The following MAP3K10 variants were observed in gnomAD, a reference collection of about 807,000 sequenced individuals.
The protein encoded by MAP3K10 is mitogen-activated protein kinase kinase kinase 10.
MAP3K10 carries 22 observed loss-of-function variants against 75.0 expected under a neutral mutation model. The observed-to-expected ratio is 0.29, with a 90% confidence interval of 0.21 to 0.42. MAP3K10 has a LOEUF of 0.42. MAP3K10 is among the 10% of genes least tolerant of loss of function. The pLI is 1.00. For missense variants in MAP3K10, 1,165 were observed against 1,379.8 expected (o/e 0.84, Z 2.47); for synonymous variants, 599 against 612.9 (o/e 0.98, Z 0.34).
rs375109204 is a variant in MAP3K10 at position 40,213,510 on chromosome 19, G to A, written c.1838-7G>A. ...TGCAGCGGAGTGATGGCCCTCTCCG[G>A]TTGCAGAGGAGTTCGCGGAGGCAGA... On this transcript the variant is annotated splice_polypyrimidine_tract_variant and splice_region_variant and intron_variant, in intron 8 of 9. Coordinates refer to ENST00000253055, the MANE Select transcript of MAP3K10 (RefSeq NM_002446.4). This position sits in a 1 kb window ranked among gnomAD's most constrained non-coding sequence, Gnocchi z 5.7. 3.1e-6 allele frequency: 5 copies of A among 1,611,288 alleles called. No individual in the cohort carries two copies. The highest frequency in any genetic ancestry group is 4.2e-6 in the Non-Finnish European group (5 of 1,179,458).
At chr19:40,211,746 C>T (rs746900628) in intron 6 of MAP3K10, among the ~76,000 whole-genome samples, 22 of 152,036 alleles carry the variant, frequency 1.4e-4, no homozygotes, top group Non-Finnish European at 2.8e-4. Context: ...CATGGTGAGA[C>T]AGACGCTCGC....
chr19:40,195,584 C>CCCG (rs1377169709), intron 1 of MAP3K10, among the ~76,000 whole-genome samples: 2 of 148,240 alleles, frequency 1.3e-5, no homozygotes, highest in African/African-American at 5.0e-5. Context: ...CCTTCCGCCT[C>CCCG]CCGGGTTCAA....
chr19:40,214,141 T>G lies in MAP3K10; in HGVS notation c.2462T>G (p.Val821Gly). The change falls in exon 9 of 10, where the codon GTG becomes GGG. Residue 821 changes from valine to glycine, a missense_variant. This residue lies in a region of MAP3K10 where 590 missense variants were observed against 586.6 expected (regional missense o/e 1.01). Coordinates refer to ENST00000253055, the MANE Select transcript of MAP3K10 (RefSeq NM_002446.4). ...ACCCACGTCACGGCTGCATGCGCTG[T>G]GAGCCGCGGGCACCGGCGGACGCCA... Reference protein sequence around the residue: ...TPTHVTAACAVSRGHRRTPSD... With the variant: ...TPTHVTAACAGSRGHRRTPSD... 1 of 1,546,794 alleles carries G rather than the reference T, an allele frequency of 6.5e-7. No homozygotes were observed. Among genetic ancestry groups the G allele is most frequent in the South Asian group, 1.2e-5 (1 of 84,310 alleles).
At position 40,204,514 on chromosome 19, in the gene MAP3K10, C is replaced by T. The variant is rs767896869; in HGVS notation, c.893C>T (p.Thr298Met). 20 of 1,613,660 alleles carry T rather than the reference C, an allele frequency of 1.2e-5. No homozygotes were observed. Among genetic ancestry groups the T allele is most frequent in the Admixed American group, 1.0e-4 (6 of 59,992 alleles). ...GGGGTGCTGCTGTGGGAGCTGCTGA[C>T]GGGGGAGGTCCCCTACCGTGAGATC... ...SFGVLLWELLTGEVPYREIDA... is the reference protein window; with the variant it reads ...SFGVLLWELLMGEVPYREIDA... The change falls in exon 3 of 10, where the codon ACG becomes ATG. Residue 298 changes from threonine to methionine, a missense_variant. Physicochemically the swap from Thr to Met is moderately conservative, Grantham distance 81. Around this residue, in one of 2 missense-constraint regions of MAP3K10, gnomAD observed 575 missense variants for 793.2 expected, o/e 0.72. Transcript: ENST00000253055. The surrounding 1 kb of genome is among the most constrained non-coding windows in gnomAD (Gnocchi z 4.3).
Position 40,203,339 on chromosome 19 carries a change from A to T in MAP3K10, c.864-1146A>T, listed in dbSNP as rs540577369. On this transcript the variant is annotated intron_variant, in intron 2 of 9. Transcript: ENST00000253055. ...GGGTGACAGAGACTTTGTCTCAAAA[A>T]AAAAAAAGGATATGTTGAATGAATG... 7.9e-5 allele frequency among the ~76,000 whole-genome samples: 12 copies of T among 152,302 alleles called. No individual in the cohort carries two copies. The South Asian group carries it at 2.5e-3, about 32-fold the overall frequency.
At chr19:40,214,371 C>A in intron 9 of MAP3K10, 150 bp downstream of exon 9, 1 of 1,005,652 alleles carries the variant, frequency 9.9e-7, no homozygotes, top group Non-Finnish European at 1.3e-6. Flanking sequence ...ACCGCTCACT[C>A]CTGGAGGCAT....
chr19:40,210,160 G>A (rs768060231), intron 6 of MAP3K10, among the ~76,000 whole-genome samples: 5 of 152,160 alleles, frequency 3.3e-5, no homozygotes, highest in Non-Finnish European at 5.9e-5. Context: ...CCAGCTACTC[G>A]GGAGGCTGAG....
At position 40,215,227 on chromosome 19, in the gene MAP3K10, A is replaced by G. The variant is rs1430607632; in HGVS notation, c.2800A>G (p.Met934Val). ...PPSVQPTLLD[M>V]DMEGQNQDST... ...CAGCGTGCAGCCCACACTGCTGGAC[A>G]TGGACATGGAGGGGCAGAACCAAGA... The change falls in exon 10 of 10, where the codon ATG becomes GTG. Residue 934 changes from methionine to valine, a missense_variant. Physicochemically the swap from Met to Val is conservative, Grantham distance 21. Transcript: ENST00000253055. The G allele has an allele frequency of 1.3e-6, 2 of 1,565,046 alleles. No homozygotes were observed. Among genetic ancestry groups the G allele is most frequent in the Admixed American group, 1.9e-5 (1 of 52,840 alleles).
At chr19:40,207,025 G>A (rs930756183) in intron 5 of MAP3K10, among the ~76,000 whole-genome samples, 4 of 152,146 alleles carry the variant, frequency 2.6e-5, no homozygotes, top group Non-Finnish European at 5.9e-5. Flanking sequence ...CTTGAACCCG[G>A]AAAGCAGAGG....
rs1168677076 is a variant in MAP3K10, at chr19:40,205,406, G to A, written c.1188+110G>A. ...ACCCCAGCCTTTGGGTCCATGCAGGGTCAAGGGAGCCTTTTTTGCATATTA... is the reference window on the plus strand; with the variant it reads ...ACCCCAGCCTTTGGGTCCATGCAGGATCAAGGGAGCCTTTTTTGCATATTA... On this transcript the variant is annotated intron_variant, in intron 4 of 9. Coordinates refer to ENST00000253055, the MANE Select transcript of MAP3K10 (RefSeq NM_002446.4). This position sits in a 1 kb window ranked among gnomAD's most constrained non-coding sequence, Gnocchi z 4.3. 4 of 1,172,884 alleles carry A rather than the reference G, an allele frequency of 3.4e-6. No individual in the cohort carries two copies. The highest frequency in any genetic ancestry group is 4.8e-6 in the Non-Finnish European group (4 of 836,992). 72.7% of individuals were successfully genotyped at this position (1,172,884 alleles called of 1,614,324 possible). A position where few individuals can be genotyped will look rare whatever the true frequency, so the allele number is the denominator to read the frequency against.
Position 40,204,340 on chromosome 19 carries a change from A to G in MAP3K10, c.864-145A>G, listed in dbSNP as rs1973076107. On this transcript the variant is annotated intron_variant, in intron 2 of 9. Coordinates refer to ENST00000253055, the MANE Select transcript of MAP3K10 (RefSeq NM_002446.4). This position sits in a 1 kb window ranked among gnomAD's most constrained non-coding sequence, Gnocchi z 4.3. The stretch of plus-strand genomic sequence containing the variant: ...CATCTATTGGAGAACAAGGCCATGG[A>G]GGTCAAAGCAAGTTCTTGTGACCTC... 6.4e-6 allele frequency: 5 copies of G among 777,854 alleles called. No homozygotes were observed. Among genetic ancestry groups the G allele is most frequent in the South Asian group, 2.1e-5 (1 of 46,918 alleles). 48.2% of individuals were successfully genotyped at this position (777,854 alleles called of 1,614,324 possible).
In MAP3K10 at chr19:40,205,201, C is replaced by A; in HGVS notation, c.1093C>A (p.Leu365Met). The change falls in exon 4 of 10, where the codon CTG becomes ATG. Residue 365 changes from leucine to methionine, a missense_variant. This residue lies in a region of MAP3K10 where 575 missense variants were observed against 793.2 expected (regional missense o/e 0.72). Coordinates refer to ENST00000253055, the MANE Select transcript of MAP3K10 (RefSeq NM_002446.4). The surrounding 1 kb of genome is among the most constrained non-coding windows in gnomAD (Gnocchi z 4.3). ...KRLEVIEQSA[L>M]FQMPLESFHS... ...GCTTGAAGTCATCGAACAGTCAGCC[C>A]TGTTCCAGATGCCACTGGAGTCCTT... The A allele has an allele frequency of 6.2e-7, 1 of 1,614,158 alleles. No homozygotes were observed. The highest frequency in any genetic ancestry group is 8.5e-7 in the Non-Finnish European group (1 of 1,180,038).
chr19:40,202,051 T>C (rs1322901570), intron 2 of MAP3K10, among the ~76,000 whole-genome samples: 2 of 152,020 alleles, frequency 1.3e-5, no homozygotes, highest in Non-Finnish European at 1.5e-5. Flanking sequence ...CCCTTCTTTT[T>C]ATTTTTTGAG....
chr19:40,213,490 C>G lies in MAP3K10; in HGVS notation c.1838-27C>G, dbSNP rs764088069. ...CGTGGGGCCCTGGCCAGCCCTGCAG[C>G]GGAGTGATGGCCCTCTCCGGTTGCA... On this transcript the variant is annotated intron_variant, in intron 8 of 9. Coordinates refer to ENST00000253055, the MANE Select transcript of MAP3K10 (RefSeq NM_002446.4). The surrounding 1 kb of genome is among the most constrained non-coding windows in gnomAD (Gnocchi z 5.7). 3 of 1,607,862 alleles carry G rather than the reference C, an allele frequency of 1.9e-6. No homozygotes were observed. In the South Asian group the frequency reaches 3.3e-5, roughly 18 times the overall value.
rs888397788 is a variant in MAP3K10 at position 40,206,416 on chromosome 19, ATT to A, written c.1435+266_1435+267del. 2.8e-5 allele frequency: 9 copies of A among 323,938 alleles called. No individual in the cohort carries two copies. The Admixed American group carries it at 4.4e-4, about 16-fold the overall frequency. The allele number at this position is 323,938 out of a possible 1,614,324, so 20.1% of individuals were successfully genotyped here. A position where few individuals can be genotyped will look rare whatever the true frequency, so the allele number is the denominator to read the frequency against. ...CCCATATTTACCAAAAAAAAAAAAA[ATT>A]TTTTTTAATTAGCTGGCCACGTTGG... On this transcript the variant is annotated intron_variant, in intron 5 of 9. Coordinates refer to ENST00000253055, the MANE Select transcript of MAP3K10 (RefSeq NM_002446.4).
In MAP3K10 at chr19:40,213,998, G is replaced by GCCCAGCCCCCCCCCCCCCCCCCCC; in HGVS notation, c.2322_2323insAGCCCCCCCCCCCCCCCCCCCCCC (p.Pro778_Ser779insProProProProSerProProPro). ...ACAGTGACGAGGCCGCACCGGCCGC[G>GCCCAGCCCCCCCCCCCCCCCCCCC]CCCTCCCCACCACCCTCCCCGCCCG... is the stretch of plus-strand genomic sequence containing the variant. On this transcript the variant is annotated inframe_insertion, in exon 9 of 10. Transcript: ENST00000253055. This position sits in a 1 kb window ranked among gnomAD's most constrained non-coding sequence, Gnocchi z 5.7. 1.3e-6 allele frequency: 2 copies of GCCCAGCCCCCCCCCCCCCCCCCCC among 1,521,832 alleles called. No homozygotes were observed. Among genetic ancestry groups the GCCCAGCCCCCCCCCCCCCCCCCCC allele is most frequent in the Non-Finnish European group, 1.8e-6 (2 of 1,140,560 alleles). The allele number at this position is 1,521,832 out of a possible 1,614,324, so 94.3% of individuals were successfully genotyped here.
At chr19:40,196,921 CTCAT>C (rs1972917785) in intron 1 of MAP3K10, among the ~76,000 whole-genome samples, 2 of 152,174 alleles carry the variant, frequency 1.3e-5, no homozygotes, top group Non-Finnish European at 2.9e-5. Flanking sequence ...AGCCATGATC[CTCAT>C]GGCTGTTAGT....
rs1973328684 is a variant in MAP3K10 at position 40,215,132 on chromosome 19, TCTC to T, written c.2708_2710del (p.Ser903del). On this transcript the variant is annotated inframe_deletion, in exon 10 of 10. Coordinates refer to ENST00000253055, the MANE Select transcript of MAP3K10 (RefSeq NM_002446.4). Reference sequence around the variant, plus strand: ...CCCCGCTTGGACCCCTGGAAACTGGTCTCCTTCGGCCGGACACTCACCATCTCG... The same window carrying T: ...CCCCGCTTGGACCCCTGGAAACTGGTCTTCGGCCGGACACTCACCATCTCG... 5.0e-6 allele frequency: 8 copies of T among 1,610,008 alleles called. No homozygotes were observed. Among genetic ancestry groups the T allele is most frequent in the Non-Finnish European group, 6.8e-6 (8 of 1,178,810 alleles).
Position 40,205,926 on chromosome 19 carries a change from G to A in MAP3K10, c.1204G>A (p.Glu402Lys). 1 of 1,576,632 alleles carries A rather than the reference G, an allele frequency of 6.3e-7. No individual in the cohort carries two copies. The highest frequency in any genetic ancestry group is 8.6e-7 in the Non-Finnish European group (1 of 1,159,506). ...RTKEKELRSREEELLRAAQEQ... is the reference protein window; with the variant it reads ...RTKEKELRSRKEELLRAAQEQ... ...TCCTTCCCAGGAGCTTCGGAGCCGT[G>A]AGGAGGAGCTGCTGCGGGCGGCACA... Residue 402 changes from glutamate to lysine, a missense_variant, in exon 5 of 10, where the codon GAG (glutamate) becomes AAG (lysine). By Grantham distance (56) the Glu-to-Lys change is moderately conservative (BLOSUM62 1). Around this residue, in one of 2 missense-constraint regions of MAP3K10, gnomAD observed 575 missense variants for 793.2 expected, o/e 0.72. Transcript: ENST00000253055. This position sits in a 1 kb window ranked among gnomAD's most constrained non-coding sequence, Gnocchi z 4.3.
Sources: gnomAD v4.1 joint callset for allele counts (sites outside exome capture counted in the v4.1 genomes callset) on GRCh38, gnomAD v4.1.1 for gene constraint, gnomAD v4.1.1 regional missense constraint, Gnocchi (gnomAD v3.1) non-coding constraint, MANE v1.5 for transcripts, NCBI Gene and HGNC (gene_info 2026-07-23, HGNC 2026-07-21) for gene names.